The following SLIT3 variants were observed in gnomAD, a reference collection of about 807,000 sequenced individuals.
SLIT3 encodes the protein slit guidance ligand 3.
In SLIT3, 68 loss-of-function variants were observed where a neutral mutation model predicts 184.0. The observed-to-expected ratio is 0.37, with a 90% CI of 0.30 to 0.45. The LOEUF (loss-of-function observed/expected upper bound fraction) is 0.45, where lower values mean the gene tolerates loss of function less well. SLIT3 is among the 20% of genes least tolerant of loss of function. The pLI is 1.00. For missense variants in SLIT3, 1,707 were observed against 2,026.0 expected, an observed-to-expected ratio of 0.84 and a Z score of 3.02; for synonymous variants, 831 against 828.6, an observed-to-expected ratio of 1.00 and a Z score of -0.05.
chr5:169,055,817 G>A (rs1299974595), intron 4 of SLIT3, among the ~76,000 whole-genome samples: 1 of 149,062 alleles, frequency 6.7e-6, no homozygotes, highest in Non-Finnish European at 1.5e-5. Context: ...GCGACAGAGT[G>A]AAACTCTGTC....
At chr5:169,033,199 CAA>C (rs1757103467) in intron 4 of SLIT3, among the ~76,000 whole-genome samples, 1 of 152,074 alleles carries the variant, frequency 6.6e-6, no homozygotes, top group African/African-American at 2.4e-5. Flanking sequence ...ATACTTGAAA[CAA>C]TGCAATCTTT....
chr5:168,998,330 T>C, intron 4 of SLIT3, among the ~76,000 whole-genome samples: 1 of 152,354 alleles, frequency 6.6e-6, no homozygotes, highest in South Asian at 2.1e-4. Flanking sequence ...GTAGGTATTT[T>C]AGTTAAACAT....
intron 4 of SLIT3, chr5:169,022,901 A>G (rs573747453): frequency 6.6e-6 from 1 of 152,304 alleles, no homozygotes; most frequent in Non-Finnish European, 1.5e-5. Context: ...CCCAGCTTAC[A>G]GCCCTGCTTT....
At chr5:169,110,399 G>C (rs982680424) in intron 4 of SLIT3, among the ~76,000 whole-genome samples, 1 of 152,150 alleles carries the variant, frequency 6.6e-6, no homozygotes, top group Admixed American at 6.5e-5. Context: ...CCAAAATCAA[G>C]GTGTTGGCAG....
chr5:168,948,721 T>C (rs908627436), intron 4 of SLIT3, among the ~76,000 whole-genome samples: 2 of 152,200 alleles, frequency 1.3e-5, no homozygotes, highest in Non-Finnish European at 2.9e-5. Context: ...AGCATATACA[T>C]GGATTCTGAT....
rs752298911 is a variant in SLIT3, at chr5:168,785,475, GC to G, written c.1151+431del. Among the ~76,000 whole-genome samples, 7 of 152,312 alleles carry G rather than the reference GC, an allele frequency of 4.6e-5. No individual in the cohort carries two copies. In the South Asian group the frequency reaches 6.2e-4, roughly 14 times the overall value. On this transcript the variant is annotated intron_variant, in intron 12 of 35. Coordinates refer to ENST00000519560, the MANE Select transcript of SLIT3 (RefSeq NM_003062.4). Reference sequence around the variant, plus strand: ...ATGCTCCTCTCGAATTATTCCCTCTGCCCCGACCCCTCTTCAAGGTCACATG... The same window carrying G: ...ATGCTCCTCTCGAATTATTCCCTCTGCCCGACCCCTCTTCAAGGTCACATG...
At chr5:168,921,312 C>T (rs909865479) in intron 4 of SLIT3, among the ~76,000 whole-genome samples, 1 of 152,184 alleles carries the variant, frequency 6.6e-6, no homozygotes, top group African/African-American at 2.4e-5. Flanking sequence ...GGCGCATACC[C>T]AGGCTCATCC....
chr5:169,247,460 G>T (rs1581099308), intron 2 of SLIT3, among the ~76,000 whole-genome samples: 1 of 152,216 alleles, frequency 6.6e-6, no homozygotes, highest in Middle Eastern at 3.4e-3. Context: ...CTAGGGTATT[G>T]TAAGTACCAC....
intron 3 of SLIT3, among the ~76,000 whole-genome samples, chr5:169,206,149 G>A (rs1764060372): frequency 6.6e-6 from 1 of 152,226 alleles, no homozygotes; most frequent in South Asian, 2.1e-4. Context: ...GCAGGGAAGA[G>A]GGACTGAGAA....
At chr5:168,690,100 C>T (rs1443906521) in intron 29 of SLIT3, among the ~76,000 whole-genome samples, 1 of 151,974 alleles carries the variant, frequency 6.6e-6, no homozygotes, top group Non-Finnish European at 1.5e-5. Flanking sequence ...TCCAACCAAC[C>T]CCACACCTGC....
At chr5:168,812,745 A>C (rs1757202966) in intron 8 of SLIT3, among the ~76,000 whole-genome samples, 1 of 152,252 alleles carries the variant, frequency 6.6e-6, no homozygotes, top group African/African-American at 2.4e-5. Flanking sequence ...GAGGCATGAT[A>C]ATTTTGGGAA....
intron 4 of SLIT3, among the ~76,000 whole-genome samples, chr5:169,087,002 C>T (rs184143072): frequency 6.6e-6 from 1 of 152,298 alleles, no homozygotes; most frequent in African/African-American, 2.4e-5. Context: ...AAAGTGCCGT[C>T]CAAAAACTAG....
In SLIT3 at chr5:168,732,013, T is replaced by G. The variant is rs545381971; in HGVS notation, c.2271-7529A>C. On this transcript the variant is annotated intron_variant, in intron 20 of 35. Transcript: ENST00000519560. Reference sequence around the variant, plus strand: ...AAAAGAGGAAGTCAAATATTTCTGCTGATGATATGATCTTATATCTAGAAA... The same window carrying G: ...AAAAGAGGAAGTCAAATATTTCTGCGGATGATATGATCTTATATCTAGAAA... Among the ~76,000 whole-genome samples, 11 of 152,254 alleles carry G rather than the reference T, an allele frequency of 7.2e-5. No individual in the cohort carries two copies. In the South Asian group the frequency reaches 1.9e-3, roughly 26 times the overall value.
intron 1 of SLIT3, among the ~76,000 whole-genome samples, chr5:169,262,880 GCT>G (rs1766246359): frequency 6.6e-6 from 1 of 152,154 alleles, no homozygotes; most frequent in African/African-American, 2.4e-5. Context: ...AAATCCTACT[GCT>G]CTGTTATGGG....
intron 4 of SLIT3, among the ~76,000 whole-genome samples, chr5:169,107,743 A>G (rs554530133): frequency 1.8e-4 from 28 of 152,292 alleles, no homozygotes; most frequent in Middle Eastern, 3.4e-3. Context: ...CTCCAGCCCA[A>G]TTTGCCTTCT....
intron 1 of SLIT3, among the ~76,000 whole-genome samples, chr5:169,279,631 A>G (rs1489039336): frequency 6.6e-6 from 1 of 152,236 alleles, no homozygotes; most frequent in Non-Finnish European, 1.5e-5. Flanking sequence ...TTAATAAGCT[A>G]TATAAAAGGA....
In SLIT3 at chr5:168,965,181, G is replaced by T. The variant is rs57106063; in HGVS notation, c.414-81845C>A. Among the ~76,000 whole-genome samples the T allele has an allele frequency of 3.9e-5, 6 of 152,272 alleles. No homozygotes were observed. In the South Asian group the frequency reaches 1.2e-3, roughly 32 times the overall value. The stretch of plus-strand genomic sequence containing the variant: ...GTAGAAATGATCTCCTTCATTTAGG[G>T]TACTGTACTATGAAAGAGAAAACTC... On this transcript the variant is annotated intron_variant, in intron 4 of 35. Transcript: ENST00000519560.
chr5:168,901,129 G>A (rs553547294), intron 4 of SLIT3, among the ~76,000 whole-genome samples: 6 of 152,250 alleles, frequency 3.9e-5, no homozygotes, highest in African/African-American at 1.2e-4. Context: ...TTGGGAGGCC[G>A]AGGCAGGCGG....
intron 3 of SLIT3, among the ~76,000 whole-genome samples, chr5:169,214,863 G>C (rs973528759): frequency 6.6e-6 from 1 of 152,044 alleles, no homozygotes; most frequent in African/African-American, 2.4e-5. Context: ...GCAATCAATC[G>C]CTGTATGCCA....
Sources: allele counts gnomAD v4.1 joint callset (sites outside exome capture counted in the v4.1 genomes callset), GRCh38; gene constraint gnomAD v4.1.1; transcripts MANE v1.5; gene names NCBI Gene and HGNC (gene_info 2026-07-23, HGNC 2026-07-21).